The following DCLK1 variants were observed in gnomAD, a reference collection of about 807,000 sequenced individuals.
DCLK1 encodes the protein doublecortin like kinase 1, also known as serine/threonine-protein kinase DCLK1.
Under a neutral mutation model 86.2 loss-of-function variants are expected in DCLK1, and 16 were observed. That is an observed-to-expected ratio of 0.19 (90% CI 0.13 to 0.28). DCLK1 has a LOEUF of 0.28. DCLK1 is among the 10% of genes least tolerant of loss of function. DCLK1 has a pLI of 1.00. For synonymous variants in DCLK1, 369 were observed against 370.5 expected, an observed-to-expected ratio of 1.00 and a Z score of 0.05; for missense variants, 590 against 940.2, an observed-to-expected ratio of 0.63 and a Z score of 4.87.
At chr13:35,968,450 G>A (rs1878890815) in intron 3 of DCLK1, among the ~76,000 whole-genome samples, 1 of 152,184 alleles carries the variant, frequency 6.6e-6, no homozygotes, top group East Asian at 1.9e-4. Context: ...ACTTCCTCCA[G>A]CAGAATTCCC....
chr13:36,107,901 C>A (rs1201529853), intron 3 of DCLK1, among the ~76,000 whole-genome samples: 1 of 151,944 alleles, frequency 6.6e-6, no homozygotes, highest in African/African-American at 2.4e-5. Flanking sequence ...AGTGAATAAC[C>A]CACAGCAAAG....
At chr13:36,079,496 G>A (rs1294393437) in intron 3 of DCLK1, among the ~76,000 whole-genome samples, 1 of 152,054 alleles carries the variant, frequency 6.6e-6, no homozygotes, top group Non-Finnish European at 1.5e-5. Context: ...GCCGGGCATG[G>A]TGGCGGGCAC....
chr13:35,838,896 A>G (rs1341962009), intron 7 of DCLK1, among the ~76,000 whole-genome samples, 196 bp downstream of exon 7: 1 of 152,202 alleles, frequency 6.6e-6, no homozygotes, highest in South Asian at 2.1e-4. Context: ...AAATGGGCCA[A>G]CTTCCCCTTC....
intron 11 of DCLK1, among the ~76,000 whole-genome samples, chr13:35,818,520 C>G (rs553808289): frequency 6.6e-6 from 1 of 152,190 alleles, no homozygotes; most frequent in Non-Finnish European, 1.5e-5. Flanking sequence ...CCTGCAGGGT[C>G]TTGGGGACTT....
Position 35,813,545 on chromosome 13 carries a change from T to A in DCLK1, c.1555-2577A>T, listed in dbSNP as rs562812832. ...AAATATAGTTCAAAGTTTCAATAACTAAGAAAAAATCACTAAAAATCTTCC... is the reference window on the plus strand; with the variant it reads ...AAATATAGTTCAAAGTTTCAATAACAAAGAAAAAATCACTAAAAATCTTCC... On this transcript the variant is annotated intron_variant, in intron 11 of 16. Coordinates refer to ENST00000360631, the MANE Select transcript of DCLK1 (RefSeq NM_001330071.2). 1.6e-4 allele frequency among the ~76,000 whole-genome samples: 25 copies of A among 152,124 alleles called. No homozygotes were observed. In the South Asian group the frequency reaches 5.2e-3, roughly 32 times the overall value.
intron 3 of DCLK1, among the ~76,000 whole-genome samples, chr13:36,018,102 C>A (rs1258533455): frequency 6.6e-6 from 1 of 152,130 alleles, no homozygotes; most frequent in African/African-American, 2.4e-5. Context: ...TTCTGTTATT[C>A]AACAGGAGAA....
At chr13:35,988,882 A>C (rs1880069983) in intron 3 of DCLK1, among the ~76,000 whole-genome samples, 1 of 152,160 alleles carries the variant, frequency 6.6e-6, no homozygotes, top group South Asian at 2.1e-4. Context: ...ACGTTTCAGG[A>C]GACCTGAATC....
At chr13:35,852,739 C>G (rs568359219) in intron 6 of DCLK1, among the ~76,000 whole-genome samples, 1 of 152,268 alleles carries the variant, frequency 6.6e-6, no homozygotes, top group Non-Finnish European at 1.5e-5. Flanking sequence ...AATTCTAGCC[C>G]CATTCTGCCA....
At chr13:35,816,129 C>T (rs1266101447) in intron 11 of DCLK1, among the ~76,000 whole-genome samples, 7 of 152,156 alleles carry the variant, frequency 4.6e-5, no homozygotes, top group Non-Finnish European at 7.4e-5. Context: ...AATTATACAT[C>T]CCAGGATTTT....
chr13:35,821,898 G>C, intron 11 of DCLK1, among the ~76,000 whole-genome samples: 1 of 150,994 alleles, frequency 6.6e-6, no homozygotes, highest in East Asian at 2.0e-4. Flanking sequence ...CCAGAGATGT[G>C]GAGTAAATGA....
intron 2 of DCLK1, among the ~76,000 whole-genome samples, chr13:36,121,204 T>C (rs1212654416): frequency 6.6e-6 from 1 of 152,208 alleles, no homozygotes; most frequent in Non-Finnish European, 1.5e-5. Context: ...TAGTTTTGGA[T>C]GTACCAGTAT....
At chr13:35,879,237 A>G (rs371391977) in intron 4 of DCLK1, among the ~76,000 whole-genome samples, 4 of 152,332 alleles carry the variant, frequency 2.6e-5, no homozygotes, top group African/African-American at 9.6e-5. Context: ...ACAGGGAGGT[A>G]TGTTTAAACC....
chr13:36,043,134 T>C (rs1171167874), intron 3 of DCLK1, among the ~76,000 whole-genome samples: 1 of 152,088 alleles, frequency 6.6e-6, no homozygotes, highest in Non-Finnish European at 1.5e-5. Flanking sequence ...TAGAAAATGT[T>C]AGAAAGTAAA....
intron 16 of DCLK1, among the ~76,000 whole-genome samples, chr13:35,783,067 C>T (rs1313771059): frequency 2.0e-5 from 3 of 152,276 alleles, no homozygotes; most frequent in African/African-American, 4.8e-5. Context: ...CCTAGAGGAT[C>T]ACATTTTAAA....
intron 3 of DCLK1, among the ~76,000 whole-genome samples, chr13:36,097,050 G>T (rs1885043632): frequency 1.3e-5 from 2 of 148,954 alleles, no homozygotes; most frequent in Admixed American, 1.3e-4. Flanking sequence ...GAGCTGGAGA[G>T]GATGGAGGCT....
rs550541837 is a variant in DCLK1 at position 35,906,337 on chromosome 13, G to A, written c.824-34997C>T. ...TCTTTTTTTTTTTTTTTAAATAAAG[G>A]AAAACAGAACTATAGCAAAGCCTAA... On this transcript the variant is annotated intron_variant, in intron 4 of 16. Coordinates refer to ENST00000360631, the MANE Select transcript of DCLK1 (RefSeq NM_001330071.2). Among the ~76,000 whole-genome samples the A allele has an allele frequency of 2.1e-3, 312 of 149,820 alleles. 1 individual carries two copies. The highest frequency in any genetic ancestry group is 3.6e-3 in the Non-Finnish European group (244 of 67,644).
intron 7 of DCLK1, 40 bp from the exon 8 acceptor site, chr13:35,836,181 G>A (rs1366199869): frequency 6.7e-7 from 1 of 1,484,908 alleles, no homozygotes; most frequent in Admixed American, 1.8e-5. Flanking sequence ...GTTGAAAAGG[G>A]AACACAGATG....
In DCLK1 at chr13:36,091,993, C is replaced by G. The variant is rs144267061; in HGVS notation, c.723+19876G>C. Among the ~76,000 whole-genome samples the G allele has an allele frequency of 1.4e-3, 211 of 152,290 alleles. 1 individual carries two copies. Among genetic ancestry groups the G allele is most frequent in the East Asian group, 1.9e-3 (10 of 5,184 alleles). ...TTGTTTATTTTGCCTAGAATGTCCT[C>G]TCATCATCTTTTCTACTTGCCAATA... is the stretch of plus-strand genomic sequence containing the variant. On this transcript the variant is annotated intron_variant, in intron 3 of 16. Transcript: ENST00000360631.
intron 3 of DCLK1, among the ~76,000 whole-genome samples, chr13:36,030,235 C>G (rs1462873542): frequency 6.6e-6 from 1 of 152,176 alleles, no homozygotes; most frequent in Admixed American, 6.5e-5. Flanking sequence ...TCTGTAAGAG[C>G]TCATATTCAA....
Sources: allele counts gnomAD v4.1 joint callset (sites outside exome capture counted in the v4.1 genomes callset), GRCh38; gene constraint gnomAD v4.1.1; transcripts MANE v1.5; gene names NCBI Gene and HGNC (gene_info 2026-07-23, HGNC 2026-07-21).